The following ARHGEF11 variants were observed in gnomAD, a reference collection of about 807,000 sequenced individuals.
ARHGEF11 encodes the protein Rho guanine exchange factor (GEF) 11.
A neutral mutation model predicts 193.7 loss-of-function variants in ARHGEF11; 55 were observed. The ratio of observed to expected loss-of-function variants is 0.28; its 90% confidence interval spans 0.23 to 0.36. ARHGEF11 has a LOEUF of 0.36. Among genes scored for constraint, ARHGEF11 ranks in the 10% least tolerant of loss-of-function variants. The pLI is 1.00. For missense variants in ARHGEF11, 1,723 were observed against 2,005.6 expected (o/e 0.86, Z 2.69); for synonymous variants, 693 against 768.0 (o/e 0.90, Z 1.62).
chr1:156,951,254 G>C (rs981789224), intron 22 of ARHGEF11, among the ~76,000 whole-genome samples: 5 of 152,158 alleles, frequency 3.3e-5, no homozygotes, highest in African/African-American at 1.2e-4. Context: ...GTCACTTAGG[G>C]TTTCCTGATT....
Position 156,937,434 on chromosome 1 carries a change from CCT to C in ARHGEF11, c.4253_4254del (p.Glu1418GlyfsTer9). The C allele has an allele frequency of 6.4e-7, 1 of 1,571,234 alleles. No individual in the cohort carries two copies. Among genetic ancestry groups the C allele is most frequent in the Non-Finnish European group, 8.6e-7 (1 of 1,161,472 alleles). The stretch of plus-strand genomic sequence containing the variant: ...TCAGGCTGAGGGGGGCTCATGGGTG[CCT>C]CTGAGTGGTCGGTGCTTGAGTCCGG... The part of the protein sequence containing the change: ...GPPDSSTDHS[E>X]APMSPPQPDS... On this transcript the variant is annotated frameshift_variant, in exon 39 of 41. Transcript: ENST00000368194. LOFTEE classifies it high-confidence loss of function.
intron 1 of ARHGEF11, among the ~76,000 whole-genome samples, chr1:157,009,995 T>C (rs1179555509): frequency 6.6e-6 from 1 of 151,972 alleles, no homozygotes; most frequent in Non-Finnish European, 1.5e-5. Flanking sequence ...ACAGCTAACA[T>C]CATACTCAAC....
In ARHGEF11 at chr1:156,936,984, C is replaced by T; in HGVS notation, c.4462G>A (p.Glu1488Lys). The T allele has an allele frequency of 6.2e-7, 1 of 1,614,020 alleles. No homozygotes were observed. Among genetic ancestry groups the T allele is most frequent in the Non-Finnish European group, 8.5e-7 (1 of 1,179,902 alleles). ...TCTCCCCCAAGGGACTTGAGCAGCT[C>T]TCTGTGGGCCAGCTCCATATCCTGG... ...RLKDMELAHR[E>K]LLKSLGGESS... Residue 1488 changes from glutamate to lysine, a missense_variant, in exon 40 of 41, where the codon GAG (glutamate) becomes AAG (lysine). Around this residue, in one of 5 missense-constraint regions of ARHGEF11, gnomAD observed 360 missense variants for 344.4 expected, o/e 1.05. Transcript: ENST00000368194.
At chr1:156,993,199 T>G (rs1666018557) in intron 1 of ARHGEF11, among the ~76,000 whole-genome samples, 1 of 152,128 alleles carries the variant, frequency 6.6e-6, no homozygotes, top group Non-Finnish European at 1.5e-5. Context: ...GTGCATAGAG[T>G]TGGTGTGACT....
At chr1:157,017,319 C>T (rs992051972) in intron 1 of ARHGEF11, among the ~76,000 whole-genome samples, 7 of 152,130 alleles carry the variant, frequency 4.6e-5, no homozygotes, top group African/African-American at 7.2e-5. Context: ...ATTACACTTA[C>T]TTGTTAAATT....
At chr1:156,946,838 C>T (rs1343304687) in intron 27 of ARHGEF11, 51 bp from the exon 28 acceptor site, 1 of 1,515,778 alleles carries the variant, frequency 6.6e-7, no homozygotes, top group Non-Finnish European at 8.8e-7. Flanking sequence ...CTGCCTGGGA[C>T]CAGACCCCTG....
Position 156,947,755 on chromosome 1 carries a change from G to A in ARHGEF11, c.2341+14C>T. The A allele has an allele frequency of 6.2e-7, 1 of 1,611,628 alleles. No individual in the cohort carries two copies. The highest frequency in any genetic ancestry group is 8.5e-7 in the Non-Finnish European group (1 of 1,179,362). On this transcript the variant is annotated intron_variant, in intron 25 of 40. Coordinates refer to ENST00000368194, the MANE Select transcript of ARHGEF11 (RefSeq NM_198236.3). ...CGTGTGAGCGGAGCTGGGGGCAGTGGAGCACGTTCTCACCATTGATGACCT... is the reference window on the plus strand; with the variant it reads ...CGTGTGAGCGGAGCTGGGGGCAGTGAAGCACGTTCTCACCATTGATGACCT...
At chr1:156,957,362 C>T (rs1211390271) in intron 18 of ARHGEF11, among the ~76,000 whole-genome samples, 1 of 152,070 alleles carries the variant, frequency 6.6e-6, no homozygotes, top group Non-Finnish European at 1.5e-5. Flanking sequence ...CTAACATGTG[C>T]CAAGAAAGGA....
chr1:156,996,277 G>A (rs1483829711), intron 1 of ARHGEF11, among the ~76,000 whole-genome samples: 1 of 152,152 alleles, frequency 6.6e-6, no homozygotes, highest in Admixed American at 6.5e-5. Context: ...GAAACTGCAT[G>A]TTAAAGTGTG....
chr1:156,948,183 G>C lies in ARHGEF11; in HGVS notation c.2151C>G (p.Arg717=), dbSNP rs774294567. Reference sequence around the variant, plus strand: ...GCACCACCGTGCCCATCACTTACCTGCGGCCCATTTTGGGAGTGAATGGAG... The same window carrying C: ...GCACCACCGTGCCCATCACTTACCTCCGGCCCATTTTGGGAGTGAATGGAG... ...PTPPFTPKMG[R]RSIESPSLGF... The change falls in exon 24 of 41, where the codon CGC becomes CGG. Residue 717 remains arginine, a splice_region_variant and synonymous_variant. Transcript: ENST00000368194. This position sits in a 1 kb window ranked among gnomAD's most constrained non-coding sequence, Gnocchi z 4.2. 1.8e-5 allele frequency: 28 copies of C among 1,565,404 alleles called. No individual in the cohort carries two copies. In the Admixed American group the frequency reaches 5.0e-4, roughly 28 times the overall value.
At chr1:156,954,379 CCAAAAAAAAAAAAAAAAAAAAA>C (rs1300868743) in intron 21 of ARHGEF11, among the ~76,000 whole-genome samples, 1 of 45,856 alleles carries the variant, frequency 2.2e-5, no homozygotes, top group Non-Finnish European at 3.7e-5. Context: ...AACTGTGTCT[CCAAAAAAAAAAAAAAAAAAAAA>C]AAAAAAAAAA....
chr1:157,003,996 T>TATTC (rs1667518832), intron 1 of ARHGEF11, among the ~76,000 whole-genome samples: 1 of 152,212 alleles, frequency 6.6e-6, no homozygotes, highest in South Asian at 2.1e-4. Context: ...TGCTCCCTTG[T>TATTC]ATTCATCTAG....
intron 1 of ARHGEF11, among the ~76,000 whole-genome samples, chr1:156,988,202 G>A (rs1047277693): frequency 2.6e-5 from 4 of 152,276 alleles, no homozygotes; most frequent in African/African-American, 9.6e-5. Flanking sequence ...CTGTAAAGCC[G>A]TACAGACAGG....
Position 156,958,905 on chromosome 1 carries a change from A to G in ARHGEF11, c.1380-41T>C, listed in dbSNP as rs749851009. The stretch of plus-strand genomic sequence containing the variant: ...ACAGGGAAAGAAAGAAATATACACA[A>G]ATACTCAACAGATGGACATCCAGAA... On this transcript the variant is annotated intron_variant, in intron 16 of 40. Transcript: ENST00000368194. 5.6e-6 allele frequency: 9 copies of G among 1,613,562 alleles called. No homozygotes were observed. The Admixed American group carries it at 1.5e-4, about 27-fold the overall frequency.
chr1:156,967,113 G>A (rs1422632084), intron 11 of ARHGEF11, among the ~76,000 whole-genome samples: 1 of 151,988 alleles, frequency 6.6e-6, no homozygotes, highest in Non-Finnish European at 1.5e-5. Context: ...TAACAAACTT[G>A]GTTCTAAACT....
chr1:156,977,699 C>T (rs1393843739), intron 6 of ARHGEF11, among the ~76,000 whole-genome samples: 1 of 152,206 alleles, frequency 6.6e-6, no homozygotes, highest in African/African-American at 2.4e-5. Context: ...CAGGTGTGAG[C>T]CACTGCGCCT....
At chr1:157,029,247 C>T (rs977075333) in intron 1 of ARHGEF11, among the ~76,000 whole-genome samples, 6 of 111,382 alleles carry the variant, frequency 5.4e-5, no homozygotes, top group African/African-American at 1.9e-4. Flanking sequence ...AATGGTGCAA[C>T]CACTTTGGTG....
At chr1:156,997,844 C>G (rs1415035794) in intron 1 of ARHGEF11, among the ~76,000 whole-genome samples, 2 of 151,132 alleles carry the variant, frequency 1.3e-5, no homozygotes, top group African/African-American at 4.9e-5. Context: ...AATAATTTCA[C>G]CTGTATTATT....
At chr1:156,950,032 A>G (rs1162015519) in intron 22 of ARHGEF11, among the ~76,000 whole-genome samples, 1 of 152,216 alleles carries the variant, frequency 6.6e-6, no homozygotes, top group African/African-American at 2.4e-5. Context: ...CAAGAATGCA[A>G]CTTTGTAAAT....
Sources: allele counts gnomAD v4.1 joint callset (sites outside exome capture counted in the v4.1 genomes callset), GRCh38; gene constraint gnomAD v4.1.1; regional missense constraint gnomAD v4.1.1; non-coding constraint Gnocchi (gnomAD v3.1); transcripts MANE v1.5; gene names NCBI Gene and HGNC (gene_info 2026-07-23, HGNC 2026-07-21).